KIF13B: variants seen among roughly 807,000 people sequenced by gnomAD.
The protein encoded by KIF13B is kinesin-like protein KIF13B.
A neutral mutation model predicts 222.0 loss-of-function variants in KIF13B; 127 were observed. The ratio of observed to expected loss-of-function variants is 0.57; its 90% CI spans 0.50 to 0.66. KIF13B has a LOEUF of 0.66. KIF13B is among the 30% of genes least tolerant of loss of function. The pLI is 0.00. For missense variants in KIF13B, 2,173 were observed against 2,379.0 expected, an observed-to-expected ratio of 0.91 and a Z score of 1.80; for synonymous variants, 976 against 919.0, an observed-to-expected ratio of 1.06 and a Z score of -1.12.
At chr8:29,083,126 C>T (rs1329084494) in intron 37 of KIF13B, among the ~76,000 whole-genome samples, 1 of 151,246 alleles carries the variant, frequency 6.6e-6, no homozygotes, top group Non-Finnish European at 1.5e-5. Flanking sequence ...AAGACCCTGT[C>T]TAAAAAAAAA....
chr8:29,239,982 A>G (rs929758604), intron 2 of KIF13B, among the ~76,000 whole-genome samples: 2 of 151,598 alleles, frequency 1.3e-5, no homozygotes, highest in Non-Finnish European at 2.9e-5. Flanking sequence ...CCTTGTAACA[A>G]ACCTGTATGT....
chr8:29,110,929 C>T (rs955974249), intron 32 of KIF13B, among the ~76,000 whole-genome samples: 1 of 152,190 alleles, frequency 6.6e-6, no homozygotes, highest in Admixed American at 6.5e-5. Context: ...ATGCCATCAA[C>T]TGTAAGACAA....
Position 29,095,986 on chromosome 8 carries a change from GTTTT to G in KIF13B, c.4325-3112_4325-3109del, listed in dbSNP as rs889271371. 1.9e-3 allele frequency among the ~76,000 whole-genome samples: 264 copies of G among 139,344 alleles called. 1 individual carries two copies. Among genetic ancestry groups the G allele is most frequent in the African/African-American group, 6.8e-3 (256 of 37,740 alleles). The allele number at this position is 139,344 out of a possible 152,430, so 91.4% of individuals were successfully genotyped here. A position where few individuals can be genotyped will look rare whatever the true frequency, so the allele number is the denominator to read the frequency against. The stretch of plus-strand genomic sequence containing the variant: ...TAGTGTTTTTTTTTGTTTGTTTTTT[GTTTT>G]TTTTTTTTTAAGACAGAGTCTCACT... On this transcript the variant is annotated intron_variant, in intron 36 of 39. Coordinates refer to ENST00000524189, the MANE Select transcript of KIF13B (RefSeq NM_015254.4).
chr8:29,234,725 G>A (rs1005724528), intron 2 of KIF13B, among the ~76,000 whole-genome samples: 1 of 150,196 alleles, frequency 6.7e-6, no homozygotes, highest in African/African-American at 2.5e-5. Flanking sequence ...AAAGTAATGT[G>A]AGCTTCAAAA....
chr8:29,221,629 T>C (rs1814756823), intron 2 of KIF13B, among the ~76,000 whole-genome samples: 1 of 152,314 alleles, frequency 6.6e-6, no homozygotes, highest in East Asian at 1.9e-4. Context: ...ATCTTAATTA[T>C]CCAAGGTACA....
chr8:29,203,424 A>T (rs1408030230), intron 2 of KIF13B, among the ~76,000 whole-genome samples: 1 of 152,190 alleles, frequency 6.6e-6, no homozygotes. Context: ...TGAGTTCCCT[A>T]GACACTATCT....
At chr8:29,203,545 G>A (rs974591661) in intron 2 of KIF13B, among the ~76,000 whole-genome samples, 2 of 152,142 alleles carry the variant, frequency 1.3e-5, no homozygotes, top group Non-Finnish European at 2.9e-5. Flanking sequence ...AGAAAACAAT[G>A]TTTCCATGTT....
At chr8:29,129,983 C>T (rs1367691635) in intron 24 of KIF13B, among the ~76,000 whole-genome samples, 1 of 152,188 alleles carries the variant, frequency 6.6e-6, no homozygotes, top group Admixed American at 6.5e-5. Flanking sequence ...AGAATTGAGC[C>T]CAAGCATTTT....
chr8:29,111,709 G>C (rs985704132), intron 32 of KIF13B, among the ~76,000 whole-genome samples: 2 of 152,180 alleles, frequency 1.3e-5, no homozygotes, highest in Non-Finnish European at 2.9e-5. Flanking sequence ...AGGGGAAATG[G>C]AGAGAGAAAA....
At chr8:29,217,561 A>G (rs1442824341) in intron 2 of KIF13B, among the ~76,000 whole-genome samples, 1 of 152,222 alleles carries the variant, frequency 6.6e-6, no homozygotes, top group African/African-American at 2.4e-5. Context: ...TATTTCTTCT[A>G]TCTCACTGAT....
intron 1 of KIF13B, among the ~76,000 whole-genome samples, chr8:29,260,797 T>A (rs1816652297): frequency 1.3e-5 from 2 of 152,136 alleles, no homozygotes; most frequent in African/African-American, 4.8e-5. Flanking sequence ...TTTGTATTTT[T>A]AGTAGAGACA....
intron 2 of KIF13B, among the ~76,000 whole-genome samples, chr8:29,231,253 G>A (rs1815271928): frequency 6.6e-6 from 1 of 152,200 alleles, no homozygotes; most frequent in Non-Finnish European, 1.5e-5. Context: ...AATAGATGAA[G>A]GCTACCATAC....
At chr8:29,208,174 G>A (rs975644081) in intron 2 of KIF13B, among the ~76,000 whole-genome samples, 1 of 152,136 alleles carries the variant, frequency 6.6e-6, no homozygotes, top group African/African-American at 2.4e-5. Flanking sequence ...TGGTTGAAAT[G>A]ACCAAAAAAG....
chr8:29,095,401 A>C (rs1269073263), intron 36 of KIF13B, among the ~76,000 whole-genome samples: 2 of 152,234 alleles, frequency 1.3e-5, no homozygotes, highest in African/African-American at 4.8e-5. Context: ...TTAAAACAAC[A>C]ACAAAACAAA....
Position 29,243,735 on chromosome 8 carries a change from G to GT in KIF13B, c.149+1610dup, listed in dbSNP as rs1193154311. ...TCTCTTGCCATGCTAGCAACGTTCT[G>GT]TTTCTTATCTGGGTGCCACTTATAT... On this transcript the variant is annotated intron_variant, in intron 2 of 39. Coordinates refer to ENST00000524189, the MANE Select transcript of KIF13B (RefSeq NM_015254.4). Among the ~76,000 whole-genome samples the GT allele has an allele frequency of 2.0e-5, 3 of 151,982 alleles. No homozygotes were observed. The East Asian group carries it at 5.8e-4, about 29-fold the overall frequency.
Position 29,225,674 on chromosome 8 carries a change from T to G in KIF13B, c.149+19672A>C, listed in dbSNP as rs554377192. Among the ~76,000 whole-genome samples the G allele has an allele frequency of 9.8e-5, 15 of 152,354 alleles. No individual in the cohort carries two copies. In the South Asian group the frequency reaches 3.1e-3, roughly 32 times the overall value. On this transcript the variant is annotated intron_variant, in intron 2 of 39. Transcript: ENST00000524189. ...CAGCAGTTTTAAACCTTCCTGTGTC[T>G]GGCTGGATCGATTCCTGTGTTACCA...
chr8:29,080,338 A>AC (rs1807748762), intron 37 of KIF13B, among the ~76,000 whole-genome samples: 2 of 151,428 alleles, frequency 1.3e-5, no homozygotes, highest in South Asian at 2.1e-4. Context: ...AAAAAAAAAA[A>AC]AAAAAAAAAA....
At chr8:29,233,206 C>T (rs1245117709) in intron 2 of KIF13B, among the ~76,000 whole-genome samples, 2 of 152,140 alleles carry the variant, frequency 1.3e-5, no homozygotes, top group African/African-American at 2.4e-5. Context: ...CATCTTGGTT[C>T]TTCAAATCCT....
chr8:29,149,705 C>T (rs191230463), intron 15 of KIF13B, among the ~76,000 whole-genome samples: 3 of 152,240 alleles, frequency 2.0e-5, no homozygotes, highest in East Asian at 1.9e-4. Context: ...GCTGCTTTGA[C>T]GGCAGTGCAG....
Sources: gnomAD v4.1 joint callset for allele counts (sites outside exome capture counted in the v4.1 genomes callset) on GRCh38, gnomAD v4.1.1 for gene constraint, MANE v1.5 for transcripts, NCBI Gene and HGNC (gene_info 2026-07-23, HGNC 2026-07-21) for gene names.